The following SPATA19 variants were observed in gnomAD, a reference collection of about 807,000 sequenced individuals.
SPATA19 encodes the protein spermatogenesis-associated protein 19, mitochondrial.
In SPATA19, 19 loss-of-function variants were observed where a neutral mutation model predicts 25.0. The ratio of observed to expected loss-of-function variants is 0.76; its 90% CI spans 0.53 to 1.11. SPATA19 has a LOEUF of 1.11. SPATA19 is among the 50% of genes most tolerant of loss of function. SPATA19 has a pLI of 0.00. For synonymous variants in SPATA19, 64 were observed against 69.3 expected, an observed-to-expected ratio of 0.92 and a Z score of 0.38; for missense variants, 222 against 211.4, an observed-to-expected ratio of 1.05 and a Z score of -0.31.
chr11:133,838,973 A>G (rs1459859356), downstream of SPATA19, among the ~76,000 whole-genome samples: 2 of 152,252 alleles, frequency 1.3e-5, no homozygotes, highest in African/African-American at 4.8e-5. Context: ...AATCAAAACC[A>G]CAATGGGATA....
At chr11:133,844,370 C>T in intron 3 of SPATA19, 33 bp from the exon 4 acceptor site, 7 of 1,612,142 alleles carry the variant, frequency 4.3e-6, no homozygotes, top group Non-Finnish European at 5.9e-6. Flanking sequence ...GTGATTCCTG[C>T]CCAGTGTGGC....
Position 133,840,689 on chromosome 11 carries a change from A to C in SPATA19, c.*244T>G, listed in dbSNP as rs1003894485. 4 of 152,212 alleles carry C rather than the reference A, an allele frequency of 2.6e-5. No homozygotes were observed. Among genetic ancestry groups the C allele is most frequent in the Non-Finnish European group, 4.4e-5 (3 of 68,040 alleles). The allele number at this position is 152,212 out of a possible 1,614,324, so 9.4% of individuals were successfully genotyped here. A position where few individuals can be genotyped will look rare whatever the true frequency, so the allele number is the denominator to read the frequency against. On this transcript the variant is annotated 3_prime_UTR_variant, in exon 7 of 7. Coordinates refer to ENST00000299140, the MANE Select transcript of SPATA19 (RefSeq NM_174927.3). ...TCAGCAAGAAGACTCCAGTGCTGACACTGTCGCATGAAGAGCTCACCTGCT... is the reference window on the plus strand; with the variant it reads ...TCAGCAAGAAGACTCCAGTGCTGACCCTGTCGCATGAAGAGCTCACCTGCT...
chr11:133,844,238 C>T lies in SPATA19; in HGVS notation c.359+8G>A, dbSNP rs778959216. Reference sequence around the variant, plus strand: ...CTTCCTTCGCCCAGGGCAAGTGGGACACCTTACCTCCATCTTATGAACTGG... The same window carrying T: ...CTTCCTTCGCCCAGGGCAAGTGGGATACCTTACCTCCATCTTATGAACTGG... On this transcript the variant is annotated splice_region_variant and intron_variant, in intron 4 of 6. Transcript: ENST00000299140. The T allele has an allele frequency of 1.2e-6, 2 of 1,613,558 alleles. No homozygotes were observed. The highest frequency in any genetic ancestry group is 1.7e-5 in the Admixed American group (1 of 60,026).
chr11:133,840,215 A>G (rs1325793069), downstream of SPATA19, among the ~76,000 whole-genome samples: 1 of 138,626 alleles, frequency 7.2e-6, no homozygotes, highest in Admixed American at 7.1e-5. Context: ...ACCTTTCAAA[A>G]GAAGGACAAA....
downstream of SPATA19, among the ~76,000 whole-genome samples, chr11:133,840,189 C>T (rs780274578): frequency 5.3e-5 from 8 of 151,790 alleles, no homozygotes; most frequent in East Asian, 3.9e-4. Context: ...CCTAGAATTC[C>T]GTATCTTGCA....
At chr11:133,845,274 T>C in intron 1 of SPATA19, 84 bp from the exon 2 acceptor site, 2 of 1,147,100 alleles carry the variant, frequency 1.7e-6, no homozygotes, top group Non-Finnish European at 2.5e-6. Flanking sequence ...GTTACTCAAA[T>C]TTATTTGTAA....
At chr11:133,839,840 G>T (rs187460092), downstream of SPATA19, among the ~76,000 whole-genome samples, 5 of 152,004 alleles carry the variant, frequency 3.3e-5, no homozygotes, top group East Asian at 9.7e-4. Flanking sequence ...ACAAGAAGGA[G>T]AATAAAAAGA....
Position 133,842,507 on chromosome 11 carries a change from G to A in SPATA19, c.415C>T (p.Arg139Ter), listed in dbSNP as rs771066000. ...TACCTTCGTCTCACCTGCTCTATTC[G>A]ATCTCGCATGATGTCCTCTGTCATC... ...SEMTEDIMRD[R>*]IEQVRRSISR... is the part of the protein sequence containing the mutation. The change falls in exon 5 of 7, where the codon CGA becomes TGA. Residue 139 changes from arginine (R) to a stop codon, truncating the protein, a stop_gained. Coordinates refer to ENST00000299140, the MANE Select transcript of SPATA19 (RefSeq NM_174927.3). LOFTEE classifies it high-confidence loss of function. The A allele has an allele frequency of 1.3e-5, 21 of 1,613,758 alleles. No individual in the cohort carries two copies. Among genetic ancestry groups the A allele is most frequent in the East Asian group, 2.2e-5 (1 of 44,884 alleles).
At chr11:133,841,894 A>T (rs1282319691) in intron 6 of SPATA19, 136 bp downstream of exon 6, 2 of 810,930 alleles carry the variant, frequency 2.5e-6, no homozygotes, top group Admixed American at 4.0e-5. Context: ...CTCTCCCACT[A>T]CTGGCCCTGA....
downstream of SPATA19, among the ~76,000 whole-genome samples, chr11:133,836,442 G>A (rs570215122): frequency 1.3e-5 from 2 of 152,208 alleles, no homozygotes; most frequent in African/African-American, 4.8e-5. Flanking sequence ...GGCAGGTAAA[G>A]CTCACCACCA....
intron 2 of SPATA19, 93 bp downstream of exon 2, chr11:133,845,041 G>A: frequency 9.1e-7 from 1 of 1,093,104 alleles, no homozygotes; most frequent in Non-Finnish European, 1.4e-6. Flanking sequence ...TTGAGTTCCA[G>A]TTCCATGAAG....
At chr11:133,838,042 C>G (rs190193651), downstream of SPATA19, among the ~76,000 whole-genome samples, 1,315 of 152,226 alleles carry the variant, frequency 8.6e-3, 20 homozygotes, top group African/African-American at 0.031. Context: ...GCCTATTTAC[C>G]GCAGCTCCTT....
intron 2 of SPATA19, 100 bp downstream of exon 2, chr11:133,845,034 A>T: frequency 1.0e-6 from 1 of 1,003,586 alleles, no homozygotes. Context: ...AATGAACTTG[A>T]GTTCCAGTTC....
chr11:133,845,270 C>A, intron 1 of SPATA19, 80 bp from the exon 2 acceptor site: 1 of 1,307,580 alleles, frequency 7.6e-7, no homozygotes, highest in Non-Finnish European at 1.1e-6. Context: ...AACTGTTACT[C>A]AAATTTATTT....
In SPATA19 at chr11:133,842,477, C is replaced by T. The variant is rs756133829; in HGVS notation, c.437+8G>A. ...GGAACACAAATCAAGCAGTTCCAAA[C>T]AGCTTACCTTCGTCTCACCTGCTCT... is the stretch of plus-strand genomic sequence containing the variant. On this transcript the variant is annotated splice_region_variant and intron_variant, in intron 5 of 6. Coordinates refer to ENST00000299140, the MANE Select transcript of SPATA19 (RefSeq NM_174927.3). 5.6e-6 allele frequency: 9 copies of T among 1,612,430 alleles called. No homozygotes were observed. Among genetic ancestry groups the T allele is most frequent in the Non-Finnish European group, 7.6e-6 (9 of 1,178,436 alleles).
chr11:133,842,412 G>C, intron 5 of SPATA19, 73 bp downstream of exon 5: 1 of 1,198,064 alleles, frequency 8.3e-7, no homozygotes, highest in East Asian at 2.3e-5. Flanking sequence ...GTGTGGGCGG[G>C]AAACCCAGCA....
chr11:133,837,182 T>C (rs540701497), downstream of SPATA19, among the ~76,000 whole-genome samples: 32 of 152,272 alleles, frequency 2.1e-4, no homozygotes, highest in Non-Finnish European at 3.5e-4. Flanking sequence ...ACTGAATAAA[T>C]TGAAAATCAA....
At chr11:133,839,187 A>G (rs1197978983), downstream of SPATA19, among the ~76,000 whole-genome samples, 1 of 152,190 alleles carries the variant, frequency 6.6e-6, no homozygotes, top group East Asian at 1.9e-4. Flanking sequence ...CTGGGTATAT[A>G]CCCAAAGGAT....
At chr11:133,843,367 C>G (rs1565396928) in intron 4 of SPATA19, among the ~76,000 whole-genome samples, 1 of 152,120 alleles carries the variant, frequency 6.6e-6, no homozygotes, top group African/African-American at 2.4e-5. Flanking sequence ...CAGAAGGCTT[C>G]CCATCCAAAA....
Sources: gnomAD v4.1 joint callset for allele counts (sites outside exome capture counted in the v4.1 genomes callset) on GRCh38, gnomAD v4.1.1 for gene constraint, MANE v1.5 for transcripts, NCBI Gene and HGNC (gene_info 2026-07-23, HGNC 2026-07-21) for gene names.